ZNF627: variants seen among roughly 807,000 people sequenced by gnomAD.
The protein encoded by ZNF627 is zinc finger protein 627.
A neutral mutation model predicts 10.6 loss-of-function variants in ZNF627; 12 were observed. That is an observed-to-expected ratio of 1.13 (90% CI 0.73 to 1.84). ZNF627 has a LOEUF of 1.84. Among genes scored for constraint, ZNF627 ranks in the 40% most tolerant of loss-of-function variants. The pLI is 0.00. For synonymous variants in ZNF627, 176 were observed against 187.1 expected (o/e 0.94, Z 0.48); for missense variants, 504 against 568.4 (o/e 0.89, Z 1.15).
intron 3 of ZNF627, 142 bp from the exon 4 acceptor site, chr19:11,616,553 T>G: frequency 1.8e-6 from 1 of 557,106 alleles, no homozygotes; most frequent in Non-Finnish European, 2.9e-6. Flanking sequence ...AGCCTTGGAG[T>G]TCAGGGTTCA....
In ZNF627 at chr19:11,617,363, C is replaced by A. The variant is rs778666140; in HGVS notation, c.860C>A (p.Ala287Asp). 3 of 1,613,798 alleles carry A rather than the reference C, an allele frequency of 1.9e-6. No individual in the cohort carries two copies. In the African/African-American group the frequency reaches 4.0e-5, roughly 22 times the overall value. The change falls in exon 4 of 4, where the codon GCC becomes GAC. Residue 287 changes from alanine to aspartate, a missense_variant. Coordinates refer to ENST00000361113, the MANE Select transcript of ZNF627 (RefSeq NM_145295.4). ...KPYECKQCGK[A>D]FRCASSVRSH... ...TACGAATGTAAACAGTGCGGTAAAGCCTTTAGGTGCGCCAGTTCTGTTCGA... is the reference window on the plus strand; with the variant it reads ...TACGAATGTAAACAGTGCGGTAAAGACTTTAGGTGCGCCAGTTCTGTTCGA...
At chr19:11,601,061 A>G (rs901677484) in intron 1 of ZNF627, among the ~76,000 whole-genome samples, 1 of 152,212 alleles carries the variant, frequency 6.6e-6, no homozygotes, top group African/African-American at 2.4e-5. Flanking sequence ...CTTGAAACTA[A>G]GACCAATCTT....
Position 11,602,005 on chromosome 19 carries a change from C to CAA in ZNF627, c.3+4399_3+4400dup, listed in dbSNP as rs67176670. The stretch of plus-strand genomic sequence containing the variant: ...TGGGCGACAGAGTGAGACTCTGTCT[C>CAA]AAAAAAAAAAAAAAAAAAAAAAAAA... On this transcript the variant is annotated intron_variant, in intron 1 of 3. Transcript: ENST00000361113. Among the ~76,000 whole-genome samples the CAA allele has an allele frequency of 5.5e-3, 292 of 53,238 alleles. 1 individual carries two copies. The highest frequency in any genetic ancestry group is 9.0e-3 in the African/African-American group (118 of 13,092). The allele number at this position is 53,238 out of a possible 152,430, so 34.9% of individuals were successfully genotyped here.
At chr19:11,598,466 A>G (rs1196665132) in intron 1 of ZNF627, among the ~76,000 whole-genome samples, 2 of 152,322 alleles carry the variant, frequency 1.3e-5, no homozygotes, top group East Asian at 3.9e-4. Flanking sequence ...TTCGACTTAG[A>G]TTTCTGTTTC....
chr19:11,612,865 C>T lies in ZNF627; in HGVS notation c.4-1662C>T, dbSNP rs191240003. Reference sequence around the variant, plus strand: ...TACTGGGGGTTGGTGTATTTCATCACGCAGGTAGTGAGCATAGTATCTGAT... The same window carrying T: ...TACTGGGGGTTGGTGTATTTCATCATGCAGGTAGTGAGCATAGTATCTGAT... On this transcript the variant is annotated intron_variant, in intron 1 of 3. Transcript: ENST00000361113. Among the ~76,000 whole-genome samples the T allele has an allele frequency of 1.6e-3, 250 of 151,706 alleles. 1 individual carries two copies. The highest frequency in any genetic ancestry group is 5.5e-3 in the African/African-American group (229 of 41,322).
chr19:11,602,373 A>T (rs1427674377), intron 1 of ZNF627, among the ~76,000 whole-genome samples: 1 of 152,230 alleles, frequency 6.6e-6, no homozygotes, highest in Non-Finnish European at 1.5e-5. Context: ...GTCATAGGTA[A>T]AAAAGCAGTG....
chr19:11,599,830 G>T (rs759972201), intron 1 of ZNF627, among the ~76,000 whole-genome samples: 1 of 151,644 alleles, frequency 6.6e-6, no homozygotes, highest in African/African-American at 2.4e-5. Flanking sequence ...TCGCTTTAAC[G>T]TGGGAGGCAA....
At chr19:11,601,716 A>G (rs17448895) in intron 1 of ZNF627, among the ~76,000 whole-genome samples, 61,037 of 151,610 alleles carry the variant, frequency 0.4, 12,785 homozygotes, top group Non-Finnish European at 0.47. Flanking sequence ...TAAAATCTTC[A>G]AGCATCTCAG....
At chr19:11,611,136 A>T (rs563068851) in intron 1 of ZNF627, among the ~76,000 whole-genome samples, 23 of 152,322 alleles carry the variant, frequency 1.5e-4, no homozygotes, top group African/African-American at 5.5e-4. Context: ...TACAGGTGTG[A>T]GCTACTGTGC....
intron 1 of ZNF627, among the ~76,000 whole-genome samples, chr19:11,613,514 C>T (rs931259856): frequency 8.7e-5 from 13 of 148,894 alleles, no homozygotes; most frequent in Admixed American, 8.1e-4. Flanking sequence ...TTTTAAAAAA[C>T]AGCTAATTAA....
At chr19:11,611,692 C>T (rs1599660821) in intron 1 of ZNF627, among the ~76,000 whole-genome samples, 1 of 152,106 alleles carries the variant, frequency 6.6e-6, no homozygotes, top group Admixed American at 6.6e-5. Context: ...TCCCGCTGGG[C>T]GTGACAGAAG....
rs750580497 is a variant in ZNF627 at position 11,617,334 on chromosome 19, A to G, written c.831A>G (p.Lys277=). 3 of 1,614,002 alleles carry G rather than the reference A, an allele frequency of 1.9e-6. No individual in the cohort carries two copies. In the Admixed American group the frequency reaches 5.0e-5, roughly 27 times the overall value. The change falls in exon 4 of 4, where the codon AAA becomes AAG. Residue 277 remains lysine, a synonymous_variant. Coordinates refer to ENST00000361113, the MANE Select transcript of ZNF627 (RefSeq NM_145295.4). ...RIHERTHTGE[K]PYECKQCGKA... ...ATGAACGAACTCACACAGGAGAGAA[A>G]CCCTACGAATGTAAACAGTGCGGTA...
At chr19:11,606,077 C>G (rs941047583) in intron 1 of ZNF627, among the ~76,000 whole-genome samples, 3 of 152,104 alleles carry the variant, frequency 2.0e-5, no homozygotes, top group African/African-American at 2.4e-5. Flanking sequence ...CGCGGTGGCT[C>G]ACACCTGTAA....
In ZNF627 at chr19:11,612,719, C is replaced by T. The variant is rs180724379; in HGVS notation, c.4-1808C>T. On this transcript the variant is annotated intron_variant, in intron 1 of 3. Transcript: ENST00000361113. ...TACAGGCATGAACCACCTTGCCGGG[C>T]CTCAACTGCATTTTTTCACATGTAG... Among the ~76,000 whole-genome samples the T allele has an allele frequency of 8.2e-3, 1,241 of 152,132 alleles. 6 individuals carry two copies. Among genetic ancestry groups the T allele is most frequent in the Non-Finnish European group, 0.014 (953 of 67,988 alleles).
intron 1 of ZNF627, among the ~76,000 whole-genome samples, chr19:11,614,174 C>T (rs1234288911): frequency 6.6e-6 from 1 of 151,558 alleles, no homozygotes; most frequent in Non-Finnish European, 1.5e-5. Context: ...CCCGCCTCGG[C>T]CTCCCAAAGT....
intron 3 of ZNF627, among the ~76,000 whole-genome samples, 173 bp from the exon 4 acceptor site, chr19:11,616,522 C>T (rs1030239936): frequency 3.3e-5 from 5 of 152,112 alleles, no homozygotes; most frequent in Non-Finnish European, 5.9e-5. Context: ...CTTTGGGAGG[C>T]AGAGGTGAGA....
intron 3 of ZNF627, 147 bp from the exon 4 acceptor site, chr19:11,616,548 T>C (rs1973870662): frequency 3.7e-6 from 2 of 533,426 alleles, no homozygotes; most frequent in Non-Finnish European, 3.1e-6. Flanking sequence ...CCTTGAGCCT[T>C]GGAGTTCAGG....
chr19:11,608,681 A>G (rs893929023), intron 1 of ZNF627, among the ~76,000 whole-genome samples: 3 of 151,828 alleles, frequency 2.0e-5, no homozygotes, highest in Admixed American at 2.0e-4. Context: ...CCCATTTATT[A>G]TTTATTTATT....
chr19:11,601,452 A>G (rs532318724), intron 1 of ZNF627, among the ~76,000 whole-genome samples: 1 of 152,188 alleles, frequency 6.6e-6, no homozygotes, highest in African/African-American at 2.4e-5. Context: ...GAATTCTCTC[A>G]CATCAGCCTC....
Sources: gnomAD v4.1 joint callset for allele counts (sites outside exome capture counted in the v4.1 genomes callset) on GRCh38, gnomAD v4.1.1 for gene constraint, MANE v1.5 for transcripts, NCBI Gene and HGNC (gene_info 2026-07-23, HGNC 2026-07-21) for gene names.